The following CFAP299 variants were observed in gnomAD, a reference collection of about 807,000 sequenced individuals.
The protein encoded by CFAP299 is cilia- and flagella-associated protein 299.
Under a neutral mutation model 27.0 loss-of-function variants are expected in CFAP299, and 21 were observed. The ratio of observed to expected loss-of-function variants is 0.78; its 90% CI spans 0.55 to 1.12. The LOEUF (loss-of-function observed/expected upper bound fraction) is 1.12, where lower values mean the gene tolerates loss of function less well. Among genes scored for constraint, CFAP299 ranks in the 50% most tolerant of loss-of-function variants. The pLI is 0.00. For missense variants in CFAP299, 310 were observed against 276.6 expected, an observed-to-expected ratio of 1.12 and a Z score of -0.86; for synonymous variants, 104 against 98.1, an observed-to-expected ratio of 1.06 and a Z score of -0.36.
intron 3 of CFAP299, among the ~76,000 whole-genome samples, chr4:80,743,699 G>C (rs1018073203): frequency 6.6e-6 from 1 of 152,068 alleles, no homozygotes; most frequent in Non-Finnish European, 1.5e-5. Context: ...CACTTATTAG[G>C]ACAAATACCT....
chr4:80,780,396 T>G (rs1478655845), intron 3 of CFAP299, among the ~76,000 whole-genome samples: 1 of 152,116 alleles, frequency 6.6e-6, no homozygotes, highest in Non-Finnish European at 1.5e-5. Context: ...CTAAGAAATC[T>G]TAGACAAAGT....
At chr4:80,472,258 A>C in intron 2 of CFAP299, among the ~76,000 whole-genome samples, 1 of 152,218 alleles carries the variant, frequency 6.6e-6, no homozygotes, top group East Asian at 1.9e-4. Flanking sequence ...TAAAGTAGAT[A>C]GTAAGCGGGG....
chr4:80,797,696 T>A (rs1727949288), intron 3 of CFAP299, among the ~76,000 whole-genome samples: 2 of 152,160 alleles, frequency 1.3e-5, no homozygotes, highest in African/African-American at 4.8e-5. Flanking sequence ...TCTTCAAAGA[T>A]GCAGGTTCTG....
intron 3 of CFAP299, among the ~76,000 whole-genome samples, chr4:80,632,129 T>C (rs1739243615): frequency 6.6e-6 from 1 of 152,096 alleles, no homozygotes; most frequent in South Asian, 2.1e-4. Context: ...TTCTGTTGGT[T>C]ATAAGTCACC....
At chr4:80,499,542 A>G (rs1238622644) in intron 2 of CFAP299, among the ~76,000 whole-genome samples, 1 of 151,452 alleles carries the variant, frequency 6.6e-6, no homozygotes, top group Non-Finnish European at 1.5e-5. Context: ...TCATTCCTTT[A>G]TTTTTTCCCT....
chr4:80,880,742 TAAAA>T (rs1178891559), intron 4 of CFAP299, among the ~76,000 whole-genome samples: 13 of 151,274 alleles, frequency 8.6e-5, no homozygotes, highest in Non-Finnish European at 1.6e-4. Flanking sequence ...TAAAATAAAA[TAAAA>T]TAAAATAAAA....
At chr4:80,927,875 T>A (rs1042175785) in intron 4 of CFAP299, among the ~76,000 whole-genome samples, 1 of 152,122 alleles carries the variant, frequency 6.6e-6, no homozygotes, top group African/African-American at 2.4e-5. Flanking sequence ...GTCAGCAAAG[T>A]CCTTTTTACC....
chr4:80,800,453 AATATAAT>A (rs1360400601), intron 3 of CFAP299, among the ~76,000 whole-genome samples: 1 of 41,426 alleles, frequency 2.4e-5, no homozygotes, highest in African/African-American at 1.3e-4. Context: ...TTGATATATT[AATATAAT>A]ATATAATATA....
chr4:80,732,851 A>G (rs1012831290), intron 3 of CFAP299, among the ~76,000 whole-genome samples: 3 of 152,148 alleles, frequency 2.0e-5, no homozygotes, highest in Non-Finnish European at 2.9e-5. Flanking sequence ...ACTTCAATAT[A>G]AATTTTCATT....
chr4:80,634,364 G>A (rs548496964), intron 3 of CFAP299, among the ~76,000 whole-genome samples: 3 of 152,172 alleles, frequency 2.0e-5, no homozygotes, highest in South Asian at 2.1e-4. Flanking sequence ...AATCAATTCC[G>A]TTGCCAACTT....
At chr4:80,455,117 G>A (rs1352696852) in intron 2 of CFAP299, among the ~76,000 whole-genome samples, 1 of 152,192 alleles carries the variant, frequency 6.6e-6, no homozygotes. Context: ...GCCTCTAGCT[G>A]TGCAACTCCT....
chr4:80,763,357 G>A (rs966353719), intron 3 of CFAP299, among the ~76,000 whole-genome samples: 2 of 152,174 alleles, frequency 1.3e-5, no homozygotes, highest in African/African-American at 2.4e-5. Flanking sequence ...GTTCACAATA[G>A]CTACAAAGAA....
At chr4:80,786,715 T>C (rs1366973716) in intron 3 of CFAP299, among the ~76,000 whole-genome samples, 2 of 152,096 alleles carry the variant, frequency 1.3e-5, no homozygotes, top group Non-Finnish European at 2.9e-5. Flanking sequence ...TATTTTGGGA[T>C]TCTTAAAATG....
At chr4:80,720,284 G>A (rs1165470125) in intron 3 of CFAP299, among the ~76,000 whole-genome samples, 1 of 152,112 alleles carries the variant, frequency 6.6e-6, no homozygotes, top group African/African-American at 2.4e-5. Context: ...GAATGAGACA[G>A]AATAATTGTT....
chr4:80,450,212 A>G lies in CFAP299; in HGVS notation c.242+87328A>G, dbSNP rs1486542708. 3.3e-5 allele frequency among the ~76,000 whole-genome samples: 5 copies of G among 152,312 alleles called. No homozygotes were observed. In the East Asian group the frequency reaches 9.6e-4, roughly 29 times the overall value. On this transcript the variant is annotated intron_variant, in intron 2 of 5. Coordinates refer to ENST00000358105, the MANE Select transcript of CFAP299 (RefSeq NM_152770.3). ...CATATAACTGCGAACTGTTAATTTT[A>G]CCAGCCTATGTATGTCTTTGATACC...
intron 2 of CFAP299, among the ~76,000 whole-genome samples, chr4:80,530,524 A>T (rs1733412631): frequency 2.6e-5 from 4 of 152,146 alleles, no homozygotes; most frequent in Non-Finnish European, 5.9e-5. Context: ...TCATTCAATA[A>T]ATATTGAGTA....
upstream of CFAP299, among the ~76,000 whole-genome samples, chr4:80,333,540 G>T (rs557791673): frequency 6.6e-6 from 1 of 152,202 alleles, no homozygotes; most frequent in South Asian, 2.1e-4. Flanking sequence ...CACTGTGTCA[G>T]CTATCATAGT....
At chr4:80,500,717 C>T (rs1731697821) in intron 2 of CFAP299, among the ~76,000 whole-genome samples, 1 of 152,108 alleles carries the variant, frequency 6.6e-6, no homozygotes, top group Admixed American at 6.6e-5. Flanking sequence ...GTGCATCCTA[C>T]TCAAAGCATG....
chr4:80,686,607 C>G (rs1720211963), intron 3 of CFAP299, among the ~76,000 whole-genome samples: 1 of 152,130 alleles, frequency 6.6e-6, no homozygotes. Flanking sequence ...GTGGGGTTCA[C>G]AGTATAGTGG....
Sources: allele counts gnomAD v4.1 joint callset (sites outside exome capture counted in the v4.1 genomes callset), GRCh38; gene constraint gnomAD v4.1.1; transcripts MANE v1.5; gene names NCBI Gene and HGNC (gene_info 2026-07-23, HGNC 2026-07-21).